The following FIP1L1 variants were observed in gnomAD, a reference collection of about 807,000 sequenced individuals.
The protein encoded by FIP1L1 is pre-mRNA 3'-end-processing factor FIP1.
A neutral mutation model predicts 84.6 loss-of-function variants in FIP1L1; 21 were observed. That is an observed-to-expected ratio of 0.25 (90% CI 0.18 to 0.36). The LOEUF (loss-of-function observed/expected upper bound fraction) is 0.36. Among genes scored for constraint, FIP1L1 ranks in the 10% least tolerant of loss-of-function variants. The pLI, the probability that FIP1L1 is intolerant of heterozygous loss-of-function variation, is 1.00. For synonymous variants in FIP1L1, 263 were observed against 242.3 expected, an observed-to-expected ratio of 1.09 and a Z score of -0.80; for missense variants, 526 against 751.1, an observed-to-expected ratio of 0.70 and a Z score of 3.50.
chr4:53,416,020 A>G (rs558779001), intron 11 of FIP1L1, among the ~76,000 whole-genome samples: 18 of 152,354 alleles, frequency 1.2e-4, no homozygotes, highest in African/African-American at 4.3e-4. Flanking sequence ...GAACACTAAA[A>G]TTCTATTTGA....
At chr4:53,448,497 A>G (rs1185711733) in intron 15 of FIP1L1, among the ~76,000 whole-genome samples, 3 of 152,168 alleles carry the variant, frequency 2.0e-5, no homozygotes, top group Non-Finnish European at 2.9e-5. Context: ...ACATTTGTAT[A>G]GTACTTACTA....
chr4:53,458,339 C>G (rs896586984), intron 16 of FIP1L1, among the ~76,000 whole-genome samples: 1 of 152,052 alleles, frequency 6.6e-6, no homozygotes, highest in Non-Finnish European at 1.5e-5. Flanking sequence ...AGTTGCAGAT[C>G]TCACTTTTTC....
intron 10 of FIP1L1, among the ~76,000 whole-genome samples, chr4:53,410,443 A>G (rs1756605731): frequency 6.6e-6 from 1 of 152,192 alleles, no homozygotes; most frequent in South Asian, 2.1e-4. Context: ...TTTCCTTTGT[A>G]AAACTTCTGG....
intron 14 of FIP1L1, among the ~76,000 whole-genome samples, chr4:53,442,911 G>A (rs1481296005): frequency 2.6e-5 from 4 of 151,976 alleles, no homozygotes; most frequent in Admixed American, 1.3e-4. Context: ...AACTAAAATC[G>A]TAATATTTTG....
At chr4:53,423,838 T>C (rs571006235) in intron 11 of FIP1L1, among the ~76,000 whole-genome samples, 34 of 152,168 alleles carry the variant, frequency 2.2e-4, no homozygotes, top group Non-Finnish European at 4.3e-4. Context: ...CAATTTAAAG[T>C]TGAAAAAAAC....
At chr4:53,427,949 T>A in intron 12 of FIP1L1, 78 bp from the exon 13 acceptor site, 2 of 1,209,674 alleles carry the variant, frequency 1.7e-6, no homozygotes, top group Non-Finnish European at 2.3e-6. Context: ...GTTTCTTAGA[T>A]TAAATGAAAT....
At chr4:53,423,431 ATCT>A (rs1763157130) in intron 11 of FIP1L1, among the ~76,000 whole-genome samples, 1 of 152,200 alleles carries the variant, frequency 6.6e-6, no homozygotes, top group African/African-American at 2.4e-5. Flanking sequence ...ACTCTATTAA[ATCT>A]TCTTAAGCAA....
At chr4:53,426,977 C>T (rs1367252459) in intron 12 of FIP1L1, among the ~76,000 whole-genome samples, 2 of 151,940 alleles carry the variant, frequency 1.3e-5, no homozygotes, top group African/African-American at 4.8e-5. Flanking sequence ...TAAAAATGTC[C>T]AGAGCACTTT....
chr4:53,434,457 T>C (rs901387027), intron 13 of FIP1L1, among the ~76,000 whole-genome samples: 1 of 151,234 alleles, frequency 6.6e-6, no homozygotes, highest in East Asian at 1.9e-4. Context: ...AAAAGGCAAA[T>C]AACATCTTAG....
intron 13 of FIP1L1, among the ~76,000 whole-genome samples, chr4:53,431,652 T>A (rs181796557): frequency 1.3e-5 from 2 of 152,184 alleles, no homozygotes; most frequent in East Asian, 3.9e-4. Context: ...AGGGTGACCA[T>A]ACATCCAGAT....
chr4:53,418,730 A>C (rs1450422810), intron 11 of FIP1L1, among the ~76,000 whole-genome samples: 1 of 152,160 alleles, frequency 6.6e-6, no homozygotes, highest in Non-Finnish European at 1.5e-5. Context: ...TTTTTAACTG[A>C]TTCATACTCT....
At chr4:53,455,236 G>A (rs1363628968) in intron 16 of FIP1L1, among the ~76,000 whole-genome samples, 1 of 152,130 alleles carries the variant, frequency 6.6e-6, no homozygotes, top group Non-Finnish European at 1.5e-5. Flanking sequence ...AACCATTCAT[G>A]TGTTCACTGG....
intron 13 of FIP1L1, among the ~76,000 whole-genome samples, chr4:53,437,944 C>T (rs1770173264): frequency 2.0e-5 from 3 of 151,976 alleles, no homozygotes; most frequent in South Asian, 4.1e-4. Context: ...CCAAGATGGT[C>T]TCCATCTCCT....
intron 11 of FIP1L1, among the ~76,000 whole-genome samples, chr4:53,417,763 ACTCTCTCTCTCTCTCTCTCTCTCTCT>A (rs58568620): frequency 0.037 from 3,940 of 105,294 alleles, 210 homozygotes; most frequent in South Asian, 0.11. Flanking sequence ...ACACACACAC[ACTCTCTCTCTCTCTCTCTCTCTCTCT>A]CTCTCTCTCT....
intron 13 of FIP1L1, among the ~76,000 whole-genome samples, chr4:53,440,111 A>G (rs1234780309): frequency 2.6e-5 from 4 of 152,046 alleles, no homozygotes; most frequent in African/African-American, 9.7e-5. Flanking sequence ...AACAGTCAAC[A>G]CTTGAATGAA....
At chr4:53,446,080 G>T (rs1342509547) in intron 15 of FIP1L1, among the ~76,000 whole-genome samples, 4 of 152,240 alleles carry the variant, frequency 2.6e-5, no homozygotes, top group Non-Finnish European at 5.9e-5. Context: ...CTCTATCAGG[G>T]TATCGTACTG....
chr4:53,421,540 C>G (rs1424078809), intron 11 of FIP1L1, among the ~76,000 whole-genome samples: 1 of 152,190 alleles, frequency 6.6e-6, no homozygotes, highest in African/African-American at 2.4e-5. Context: ...TTACAGCCAT[C>G]TATTTACATA....
chr4:53,435,750 A>G (rs1334184322), intron 13 of FIP1L1, among the ~76,000 whole-genome samples: 1 of 152,200 alleles, frequency 6.6e-6, no homozygotes, highest in Admixed American at 6.5e-5. Flanking sequence ...TGTTTTAATT[A>G]TGAAATAATG....
chr4:53,427,493 T>C lies in FIP1L1; in HGVS notation c.1018-534T>C, dbSNP rs1359344245. Among the ~76,000 whole-genome samples, 92 of 152,330 alleles carry C rather than the reference T, an allele frequency of 6.0e-4. 2 individuals are homozygous for C. The highest frequency in any genetic ancestry group is 1.6e-4 in the Non-Finnish European group (11 of 68,032). Reference sequence around the variant, plus strand: ...AAGTTACAAGGCTCACATGATAAAGTTACTTACATATCTTGCTGCCTATTG... The same window carrying C: ...AAGTTACAAGGCTCACATGATAAAGCTACTTACATATCTTGCTGCCTATTG... On this transcript the variant is annotated intron_variant, in intron 12 of 17. Coordinates refer to ENST00000337488, the MANE Select transcript of FIP1L1 (RefSeq NM_030917.4).
Sources: gnomAD v4.1 joint callset for allele counts (sites outside exome capture counted in the v4.1 genomes callset) on GRCh38, gnomAD v4.1.1 for gene constraint, MANE v1.5 for transcripts, NCBI Gene and HGNC (gene_info 2026-07-23, HGNC 2026-07-21) for gene names.